PLCL2: variants seen among roughly 807,000 people sequenced by gnomAD.
PLCL2 encodes phospholipase C like 2.
Under a neutral mutation model 79.6 loss-of-function variants are expected in PLCL2, and 4 were observed. The observed-to-expected ratio is 0.05, with a 90% CI of 0.02 to 0.11. PLCL2 has a LOEUF of 0.11. Ranked by LOEUF, PLCL2 falls within the 10% of genes least tolerant of loss-of-function variation. The pLI is 1.00. For missense variants in PLCL2, 895 were observed against 1,291.0 expected (o/e 0.69, Z 4.70); for synonymous variants, 484 against 457.7 (o/e 1.06, Z -0.73).
chr3:17,061,548 G>GA (rs1400162162), intron 4 of PLCL2, among the ~76,000 whole-genome samples: 1 of 151,572 alleles, frequency 6.6e-6, no homozygotes, highest in Non-Finnish European at 1.5e-5. Context: ...AGCCCTTCAG[G>GA]AAAAAACTAT....
At position 17,011,994 on chromosome 3, in the gene PLCL2, G is replaced by A. The variant is rs760913644; in HGVS notation, c.2648G>A (p.Arg883Gln). The A allele has an allele frequency of 1.1e-5, 18 of 1,614,054 alleles. No individual in the cohort carries two copies. Among genetic ancestry groups the A allele is most frequent in the Admixed American group, 1.7e-5 (1 of 60,000 alleles). Residue 883 changes from arginine (R) to glutamine (Q), a missense_variant, in exon 2 of 6, where the codon CGA becomes CAA. By Grantham distance (43) the Arg-to-Gln change is conservative. Coordinates refer to ENST00000615277, the MANE Select transcript of PLCL2 (RefSeq NM_001144382.2). This position sits in a 1 kb window ranked among gnomAD's most constrained non-coding sequence, Gnocchi z 7.9. ...SLFVHVAITNRRGGGKPHKRG... is the reference protein window; with the variant it reads ...SLFVHVAITNQRGGGKPHKRG... Reference sequence around the variant, plus strand: ...TTTGTCCACGTGGCTATTACTAACCGAAGAGGAGGAGGAAAGCCTCATAAA... The same window carrying A: ...TTTGTCCACGTGGCTATTACTAACCAAAGAGGAGGAGGAAAGCCTCATAAA...
At chr3:16,941,707 G>C (rs958068743) in intron 1 of PLCL2, among the ~76,000 whole-genome samples, 4 of 152,102 alleles carry the variant, frequency 2.6e-5, no homozygotes, top group East Asian at 1.9e-4. Flanking sequence ...CCCCTCCTCT[G>C]TTCTTCCATA....
At chr3:16,910,976 AG>A (rs1321553501) in intron 1 of PLCL2, among the ~76,000 whole-genome samples, 2 of 152,168 alleles carry the variant, frequency 1.3e-5, no homozygotes, top group Non-Finnish European at 2.9e-5. Context: ...TAATGGGGCC[AG>A]GCACGGTGGC....
intron 1 of PLCL2, among the ~76,000 whole-genome samples, chr3:16,946,002 G>A (rs1370982469): frequency 6.6e-6 from 1 of 152,134 alleles, no homozygotes; most frequent in African/African-American, 2.4e-5. Context: ...GCCAACAGAT[G>A]CCTGTTACTA....
At chr3:16,993,511 C>G (rs1014083576) in intron 1 of PLCL2, among the ~76,000 whole-genome samples, 4 of 152,174 alleles carry the variant, frequency 2.6e-5, no homozygotes, top group African/African-American at 9.7e-5. Context: ...CTTCAAAACT[C>G]TGGAATTAAA....
At chr3:17,042,998 A>C (rs372660966) in intron 4 of PLCL2, 49 bp downstream of exon 4, 1 of 1,210,142 alleles carries the variant, frequency 8.3e-7, no homozygotes, top group Non-Finnish European at 1.2e-6. Flanking sequence ...ATAGCATCAT[A>C]TACTTTGCCC....
intron 5 of PLCL2, among the ~76,000 whole-genome samples, chr3:17,078,916 G>A (rs2065134572): frequency 6.6e-6 from 1 of 152,164 alleles, no homozygotes; most frequent in Non-Finnish European, 1.5e-5. Flanking sequence ...TCTATTTAGT[G>A]TGTGAAAATT....
At chr3:16,955,322 A>G (rs922218825) in intron 1 of PLCL2, among the ~76,000 whole-genome samples, 11 of 152,168 alleles carry the variant, frequency 7.2e-5, no homozygotes, top group African/African-American at 2.7e-4. Context: ...AGGTTTGTCA[A>G]AGATCAGATG....
At chr3:16,904,818 G>T (rs1036527941) in intron 1 of PLCL2, among the ~76,000 whole-genome samples, 3 of 152,042 alleles carry the variant, frequency 2.0e-5, no homozygotes, top group Non-Finnish European at 2.9e-5. Flanking sequence ...GTTTTATAAG[G>T]GGCTTTCCCT....
At chr3:16,980,283 C>A (rs1052029010) in intron 1 of PLCL2, among the ~76,000 whole-genome samples, 1 of 147,368 alleles carries the variant, frequency 6.8e-6, no homozygotes, top group South Asian at 2.2e-4. Context: ...TGACCCCCCC[C>A]ACCTCCCTCT....
intron 3 of PLCL2, among the ~76,000 whole-genome samples, chr3:17,029,467 G>A (rs532893014): frequency 1.3e-5 from 2 of 152,058 alleles, no homozygotes; most frequent in East Asian, 3.9e-4. Context: ...GAGAAACCTG[G>A]TTCAGTTAAG....
intron 1 of PLCL2, among the ~76,000 whole-genome samples, chr3:16,995,791 A>G (rs1006247895): frequency 5.9e-5 from 9 of 152,346 alleles, no homozygotes; most frequent in African/African-American, 1.9e-4. Flanking sequence ...GGAGGATTCA[A>G]TAAGCCAAAA....
chr3:17,019,030 A>T (rs2064416495), intron 3 of PLCL2, among the ~76,000 whole-genome samples: 1 of 152,236 alleles, frequency 6.6e-6, no homozygotes, highest in Admixed American at 6.5e-5. Flanking sequence ...TAGTAAATAG[A>T]TATTTTAAAA....
chr3:17,081,849 G>T (rs1354819427), intron 5 of PLCL2, among the ~76,000 whole-genome samples: 1 of 152,128 alleles, frequency 6.6e-6, no homozygotes, highest in East Asian at 1.9e-4. Context: ...ATTACTTTCT[G>T]GGCCTAAGTA....
chr3:16,946,953 C>CTTTT lies in PLCL2; in HGVS notation c.327+61604_327+61607dup, dbSNP rs1056023349. Among the ~76,000 whole-genome samples, 521 of 95,340 alleles carry CTTTT rather than the reference C, an allele frequency of 5.5e-3. 42 individuals carry two copies. The highest frequency in any genetic ancestry group is 0.019 in the African/African-American group (438 of 22,980). 62.5% of individuals were successfully genotyped at this position (95,340 alleles called of 152,430 possible). A position where few individuals can be genotyped will look rare whatever the true frequency, so the allele number is the denominator to read the frequency against. On this transcript the variant is annotated intron_variant, in intron 1 of 5. Transcript: ENST00000615277. ...ATGAATATAAAATTAAAGTTTCATT[C>CTTTT]TTTTTTTTTTTTTTTTTTTTGAGAC...
chr3:16,890,082 A>C (rs954754439), intron 1 of PLCL2, among the ~76,000 whole-genome samples: 1 of 152,238 alleles, frequency 6.6e-6, no homozygotes, highest in Non-Finnish European at 1.5e-5. Flanking sequence ...ACACAAGTTA[A>C]CTGTTGAAAG....
intron 3 of PLCL2, among the ~76,000 whole-genome samples, chr3:17,038,291 A>G (rs2064679506): frequency 6.6e-6 from 1 of 152,226 alleles, no homozygotes; most frequent in Non-Finnish European, 1.5e-5. Context: ...CTTGCCCTAG[A>G]AAAAACAATA....
chr3:17,072,191 A>G (rs2065066416), intron 5 of PLCL2, among the ~76,000 whole-genome samples: 1 of 152,208 alleles, frequency 6.6e-6, no homozygotes, highest in Non-Finnish European at 1.5e-5. Context: ...TTATTTAACC[A>G]TAAAGATGCT....
Position 17,010,897 on chromosome 3 carries a change from G to A in PLCL2, c.1551G>A (p.Leu517=). 1.9e-6 allele frequency: 3 copies of A among 1,613,994 alleles called. No homozygotes were observed. The highest frequency in any genetic ancestry group is 2.5e-6 in the Non-Finnish European group (3 of 1,179,964). ...TTGCTTCAGAGTATCCTCTTATCTT[G>A]TGTTTAGAAAACCACTGTTCCATTA... The part of the protein sequence containing the change: ...AFFASEYPLI[L]CLENHCSIKQ... Residue 517 remains leucine, a synonymous_variant, in exon 2 of 6, where the codon TTG becomes TTA. Coordinates refer to ENST00000615277, the MANE Select transcript of PLCL2 (RefSeq NM_001144382.2). This position sits in a 1 kb window ranked among gnomAD's most constrained non-coding sequence, Gnocchi z 5.8.
Sources: gnomAD v4.1 joint callset for allele counts (sites outside exome capture counted in the v4.1 genomes callset) on GRCh38, gnomAD v4.1.1 for gene constraint, Gnocchi (gnomAD v3.1) non-coding constraint, MANE v1.5 for transcripts, NCBI Gene and HGNC (gene_info 2026-07-23, HGNC 2026-07-21) for gene names.